SPATA13: variants seen among roughly 807,000 people sequenced by gnomAD.
SPATA13 encodes spermatogenesis associated 13.
SPATA13 carries 50 observed loss-of-function variants against 104.0 expected under a neutral mutation model. That is an observed-to-expected ratio of 0.48 (90% CI 0.38 to 0.61). SPATA13 has a LOEUF of 0.61. Among genes scored for constraint, SPATA13 ranks in the 20% least tolerant of loss-of-function variants. The pLI is 0.00. For missense variants in SPATA13, 1,524 were observed against 1,690.6 expected, an observed-to-expected ratio of 0.90 and a Z score of 1.73; for synonymous variants, 606 against 667.5, an observed-to-expected ratio of 0.91 and a Z score of 1.42.
rs753119503 is a variant in SPATA13, at chr13:24,291,753, TTTA to T, written c.3080+872_3080+874del. Among the ~76,000 whole-genome samples the T allele has an allele frequency of 1.5e-3, 203 of 133,892 alleles. 2 individuals are homozygous for T. The highest frequency in any genetic ancestry group is 5.4e-3 in the African/African-American group (198 of 36,946). 87.8% of individuals were successfully genotyped at this position (133,892 alleles called of 152,430 possible). A position where few individuals can be genotyped will look rare whatever the true frequency, so the allele number is the denominator to read the frequency against. On this transcript the variant is annotated intron_variant, in intron 9 of 12. Coordinates refer to ENST00000382108, the MANE Select transcript of SPATA13 (RefSeq NM_001166271.3). ...CTCTCTGTCTTTATTTTTTTATTTT[TTTA>T]TTTTTTTTTTTGAGACGGAGTCTCG...
chr13:24,294,018 C>T (rs531900552), intron 9 of SPATA13, among the ~76,000 whole-genome samples: 2 of 152,300 alleles, frequency 1.3e-5, no homozygotes, highest in East Asian at 1.9e-4. Flanking sequence ...GCATTATTAA[C>T]GCTGAGCAAA....
chr13:24,097,765 G>A (rs534399987), intron 3 of SPATA13, among the ~76,000 whole-genome samples: 17 of 152,196 alleles, frequency 1.1e-4, no homozygotes, highest in Non-Finnish European at 2.2e-4. Context: ...CATAGCCAAA[G>A]GTATGCACCG....
At chr13:24,272,005 G>A (rs917729668) in intron 4 of SPATA13, among the ~76,000 whole-genome samples, 4 of 152,234 alleles carry the variant, frequency 2.6e-5, no homozygotes, top group African/African-American at 9.6e-5. Flanking sequence ...TCTATATTGA[G>A]AACACAGACC....
chr13:24,183,015 A>G (rs1171320954), intron 1 of SPATA13, among the ~76,000 whole-genome samples: 1 of 152,150 alleles, frequency 6.6e-6, no homozygotes, highest in Non-Finnish European at 1.5e-5. Context: ...GCTTCTGAGG[A>G]TATCTGCTTA....
chr13:24,133,435 A>G (rs1369041136), intron 3 of SPATA13, among the ~76,000 whole-genome samples: 1 of 152,218 alleles, frequency 6.6e-6, no homozygotes, highest in Non-Finnish European at 1.5e-5. Flanking sequence ...CCATAGCTAC[A>G]GAAAGCTTAA....
intron 4 of SPATA13, among the ~76,000 whole-genome samples, chr13:24,261,468 A>T (rs1874060623): frequency 1.3e-5 from 2 of 152,302 alleles, no homozygotes; most frequent in South Asian, 4.1e-4. Flanking sequence ...AAAGTTAGAG[A>T]TGAAGATTTG....
chr13:24,096,209 C>T (rs1236342822), intron 3 of SPATA13, among the ~76,000 whole-genome samples: 2 of 152,072 alleles, frequency 1.3e-5, no homozygotes, highest in Non-Finnish European at 2.9e-5. Context: ...CCCATGTTCA[C>T]GTGGAGCTTA....
intron 2 of SPATA13, among the ~76,000 whole-genome samples, chr13:24,228,404 C>A (rs556474059): frequency 2.0e-5 from 3 of 152,154 alleles, no homozygotes; most frequent in African/African-American, 7.2e-5. Context: ...CGTGAGCCAC[C>A]GCGCCGAGCC....
At chr13:24,084,320 A>G (rs916128508) in intron 3 of SPATA13, among the ~76,000 whole-genome samples, 1 of 152,184 alleles carries the variant, frequency 6.6e-6, no homozygotes, top group African/African-American at 2.4e-5. Flanking sequence ...GCTTCTTTTG[A>G]GAAAGGAAGG....
In SPATA13 at chr13:24,116,780, C is replaced by A. The variant is rs73164074; in HGVS notation, c.-112+99079C>A. 7.9e-3 allele frequency among the ~76,000 whole-genome samples: 1,196 copies of A among 150,814 alleles called. 9 individuals carry two copies. The highest frequency in any genetic ancestry group is 0.022 in the African/African-American group (904 of 40,914). ...TTGAAGCCCTACCAGCCCCCCCCCC[C>A]CAATGTGCTGATGTTTGGAGAAAGG... On this transcript the variant is annotated intron_variant, in intron 3 of 14. Coordinates refer to the SPATA13 transcript ENST00000424834.
chr13:24,111,869 C>T (rs1880651534), intron 3 of SPATA13, among the ~76,000 whole-genome samples: 1 of 152,198 alleles, frequency 6.6e-6, no homozygotes, highest in Non-Finnish European at 1.5e-5. Context: ...GCTTATAATG[C>T]AGACTAACTC....
chr13:24,074,366 G>A (rs1013666685), intron 3 of SPATA13, among the ~76,000 whole-genome samples: 10 of 152,146 alleles, frequency 6.6e-5, no homozygotes, highest in African/African-American at 2.2e-4. Context: ...ATAATATTCT[G>A]TTGTATGAAT....
chr13:24,278,722 C>T, intron 4 of SPATA13: 1 of 1,575,152 alleles, frequency 6.3e-7, no homozygotes, highest in East Asian at 2.3e-5. Context: ...CATCCACATT[C>T]AACAGGTGAA....
chr13:24,007,070 C>A (rs1876266872), intron 2 of SPATA13, among the ~76,000 whole-genome samples: 1 of 152,214 alleles, frequency 6.6e-6, no homozygotes, highest in Non-Finnish European at 1.5e-5. Flanking sequence ...CGTCCAGTGT[C>A]CCCTCAGCTG....
At chr13:24,277,208 G>A (rs962446059) in intron 4 of SPATA13, among the ~76,000 whole-genome samples, 14 of 152,132 alleles carry the variant, frequency 9.2e-5, no homozygotes, top group African/African-American at 3.4e-4. Context: ...ACTTTGGGAG[G>A]CCGAGGCGGG....
intron 3 of SPATA13, among the ~76,000 whole-genome samples, chr13:24,061,644 T>C (rs1296361867): frequency 1.3e-5 from 2 of 152,158 alleles, no homozygotes; most frequent in Admixed American, 1.3e-4. Context: ...TATATGTTCT[T>C]ACTTATAAAT....
chr13:24,071,922 T>G (rs1879175522), intron 3 of SPATA13, among the ~76,000 whole-genome samples: 2 of 152,198 alleles, frequency 1.3e-5, no homozygotes, highest in Non-Finnish European at 2.9e-5. Context: ...CAGCTAGAGC[T>G]CTTAAGAATT....
intron 1 of SPATA13, among the ~76,000 whole-genome samples, chr13:24,202,028 G>A (rs113722580): frequency 0.019 from 2,841 of 151,656 alleles, 79 homozygotes; most frequent in African/African-American, 0.059. Context: ...TTCTGGCTTA[G>A]TAGCTCATTT....
intron 3 of SPATA13, chr13:24,122,938 C>A (rs1374689290): frequency 2.6e-6 from 2 of 780,226 alleles, no homozygotes; most frequent in African/African-American, 3.4e-5. Context: ...TCTTCAGCTA[C>A]ACTAAGAAGC....
Sources: allele counts gnomAD v4.1 joint callset (sites outside exome capture counted in the v4.1 genomes callset), GRCh38; gene constraint gnomAD v4.1.1; transcripts MANE v1.5; gene names NCBI Gene and HGNC (gene_info 2026-07-23, HGNC 2026-07-21).